Variants in SNCB observed in about 807,000 individuals in gnomAD.
The protein encoded by SNCB is beta-synuclein.
SNCB carries 8 observed loss-of-function variants against 20.0 expected under a neutral mutation model. That is an observed-to-expected ratio of 0.40 (90% CI 0.24 to 0.72). The LOEUF is 0.72. Among genes scored for constraint, SNCB ranks in the 30% least tolerant of loss-of-function variants. SNCB has a pLI of 0.37. For synonymous variants in SNCB, 56 were observed against 65.4 expected (o/e 0.86, Z 0.69); for missense variants, 125 against 168.0 (o/e 0.74, Z 1.41).
intron 4 of SNCB, among the ~76,000 whole-genome samples, chr5:176,622,193 A>C (rs1358196243): frequency 6.6e-6 from 1 of 152,342 alleles, no homozygotes; most frequent in East Asian, 1.9e-4. Flanking sequence ...TGGGCACATG[A>C]GTTTCCAGCT....
At chr5:176,622,003 C>T (rs1380015735) in intron 4 of SNCB, among the ~76,000 whole-genome samples, 3 of 152,246 alleles carry the variant, frequency 2.0e-5, no homozygotes, top group East Asian at 1.9e-4. Flanking sequence ...CACAAGCACA[C>T]GCGATAGCTT....
chr5:176,628,332 G>A (rs1760104384), intron 2 of SNCB, among the ~76,000 whole-genome samples: 1 of 152,100 alleles, frequency 6.6e-6, no homozygotes, highest in Non-Finnish European at 1.5e-5. Context: ...GGATCAAGCA[G>A]CCATGCACTT....
intron 2 of SNCB, among the ~76,000 whole-genome samples, chr5:176,628,054 A>G (rs1173305036): frequency 1.3e-5 from 2 of 152,178 alleles, no homozygotes. Context: ...ATGTGCCAGG[A>G]GCCATGGGTG....
rs1759531503 is a variant in SNCB, at chr5:176,620,766, G to C, written c.*45C>G. The C allele has an allele frequency of 3.4e-6, 5 of 1,470,522 alleles. No individual in the cohort carries two copies. Among genetic ancestry groups the C allele is most frequent in the Non-Finnish European group, 4.8e-6 (5 of 1,047,968 alleles). 91.1% of individuals were successfully genotyped at this position (1,470,522 alleles called of 1,614,324 possible). ...GCCCTGGCTCTGGGGGGCGGGGCAG[G>C]GACAGGGACAGAATTGTGCTGCTGG... On this transcript the variant is annotated 3_prime_UTR_variant, in exon 6 of 6. Coordinates refer to ENST00000393693, the MANE Select transcript of SNCB (RefSeq NM_003085.5). The surrounding 1 kb of genome is among the most constrained non-coding windows in gnomAD (Gnocchi z 4.5).
rs972154926 is a variant in SNCB, at chr5:176,626,582, G to A, written c.164-66C>T. 30 of 1,501,258 alleles carry A rather than the reference G, an allele frequency of 2.0e-5. No homozygotes were observed. Among genetic ancestry groups the A allele is most frequent in the Non-Finnish European group, 2.7e-5 (29 of 1,077,302 alleles). The allele number at this position is 1,501,258 out of a possible 1,614,324, so 93.0% of individuals were successfully genotyped here. A position where few individuals can be genotyped will look rare whatever the true frequency, so the allele number is the denominator to read the frequency against. On this transcript the variant is annotated intron_variant, in intron 3 of 5. Coordinates refer to ENST00000393693, the MANE Select transcript of SNCB (RefSeq NM_003085.5). This position sits in a 1 kb window ranked among gnomAD's most constrained non-coding sequence, Gnocchi z 4.2. The stretch of plus-strand genomic sequence containing the variant: ...GGGGGAAACACCGATGCCCTGCCTT[G>A]TAGTATCCCAGGGCCTGCCCTCCCC...
chr5:176,629,520 C>A lies in SNCB; in HGVS notation c.121+14G>T. ...CCCAGCCCTGCAGCCCCAGAAACCC[C>A]GCCCCTTACCCACCGACGTAGAGGA... On this transcript the variant is annotated intron_variant, in intron 2 of 5. Coordinates refer to ENST00000393693, the MANE Select transcript of SNCB (RefSeq NM_003085.5). This position sits in a 1 kb window ranked among gnomAD's most constrained non-coding sequence, Gnocchi z 4.1. 1.2e-6 allele frequency: 2 copies of A among 1,612,380 alleles called. No individual in the cohort carries two copies. Among genetic ancestry groups the A allele is most frequent in the East Asian group, 2.2e-5 (1 of 44,782 alleles).
chr5:176,622,089 G>A (rs1759639676), intron 4 of SNCB, among the ~76,000 whole-genome samples: 1 of 152,242 alleles, frequency 6.6e-6, no homozygotes, highest in South Asian at 2.1e-4. Flanking sequence ...TTGGTGCTGG[G>A]GAAAGCCTGC....
In SNCB at chr5:176,629,537, C is replaced by T. The variant is rs1043807628; in HGVS notation, c.118G>A (p.Val40Ile). 1.2e-6 allele frequency: 2 copies of T among 1,613,102 alleles called. No individual in the cohort carries two copies. Among genetic ancestry groups the T allele is most frequent in the African/African-American group, 2.7e-5 (2 of 74,904 alleles). ...AGAAACCCCGCCCCTTACCCACCGA[C>T]GTAGAGGACGCCCTCCTTGGTCTTC... ...AEKTKEGVLY[V>I]GSKTREGVVQ... The change falls in exon 2 of 6, where the codon GTC becomes ATC. Residue 40 changes from valine to isoleucine, a missense_variant. By Grantham distance (29) the Val-to-Ile change is conservative. Coordinates refer to ENST00000393693, the MANE Select transcript of SNCB (RefSeq NM_003085.5). This position sits in a 1 kb window ranked among gnomAD's most constrained non-coding sequence, Gnocchi z 4.1.
chr5:176,626,586 T>C lies in SNCB; in HGVS notation c.164-70A>G. ...GAAACACCGATGCCCTGCCTTGTAG[T>C]ATCCCAGGGCCTGCCCTCCCCACGG... On this transcript the variant is annotated intron_variant, in intron 3 of 5. Transcript: ENST00000393693. This position sits in a 1 kb window ranked among gnomAD's most constrained non-coding sequence, Gnocchi z 4.2. 1.3e-6 allele frequency: 2 copies of C among 1,496,394 alleles called. No homozygotes were observed. Among genetic ancestry groups the C allele is most frequent in the Non-Finnish European group, 1.9e-6 (2 of 1,072,790 alleles). 92.7% of individuals were successfully genotyped at this position (1,496,394 alleles called of 1,614,324 possible). A position where few individuals can be genotyped will look rare whatever the true frequency, so the allele number is the denominator to read the frequency against.
In SNCB at chr5:176,626,478, C is replaced by T; in HGVS notation, c.202G>A (p.Gly68Arg). Residue 68 changes from glycine (G) to arginine (R), a missense_variant, in exon 4 of 6, where the codon GGA becomes AGA. Transcript: ENST00000393693. This position sits in a 1 kb window ranked among gnomAD's most constrained non-coding sequence, Gnocchi z 4.2. ...KTKEQASHLGGAVFSGAGNIA... is the reference protein window; with the variant it reads ...KTKEQASHLGRAVFSGAGNIA... ...TTCCCTGCCCCAGAGAACACAGCTC[C>T]TCCCAGATGTGAGGCCTGTTCCTTG... 6.2e-7 allele frequency: 1 copy of T among 1,614,132 alleles called. No individual in the cohort carries two copies. Among genetic ancestry groups the T allele is most frequent in the Non-Finnish European group, 8.5e-7 (1 of 1,180,002 alleles).
In SNCB at chr5:176,626,640, C is replaced by T. The variant is rs111432646; in HGVS notation, c.163+80G>A. The T allele has an allele frequency of 5.1e-6, 8 of 1,558,348 alleles. No homozygotes were observed. Among genetic ancestry groups the T allele is most frequent in the African/African-American group, 2.7e-5 (2 of 73,680 alleles). The stretch of plus-strand genomic sequence containing the variant: ...ATTCCCGCAGAAGCCTTGGGAGTCT[C>T]CCCCGCCCCCGCCCTCTGGTTCCCG... On this transcript the variant is annotated intron_variant, in intron 3 of 5. Coordinates refer to ENST00000393693, the MANE Select transcript of SNCB (RefSeq NM_003085.5). This position sits in a 1 kb window ranked among gnomAD's most constrained non-coding sequence, Gnocchi z 4.2.
chr5:176,629,743 C>G lies in SNCB; in HGVS notation c.-9-80G>C. 2 of 1,536,738 alleles carry G rather than the reference C, an allele frequency of 1.3e-6. No individual in the cohort carries two copies. The highest frequency in any genetic ancestry group is 2.5e-5 in the South Asian group (2 of 80,622). On this transcript the variant is annotated intron_variant, in intron 1 of 5. Transcript: ENST00000393693. This position sits in a 1 kb window ranked among gnomAD's most constrained non-coding sequence, Gnocchi z 4.1. ...CCCCTCCCGCGGGACGCAGATGCCC[C>G]CCTACTCCCGAGACCGCGGCGCCCT...
intron 2 of SNCB, among the ~76,000 whole-genome samples, chr5:176,627,735 G>A (rs916111792): frequency 1.3e-5 from 2 of 152,244 alleles, no homozygotes; most frequent in African/African-American, 2.4e-5. Context: ...AGAGACAGGA[G>A]GGGCAGGCTG....
At position 176,626,259 on chromosome 5, in the gene SNCB, A is replaced by G. The variant is rs1759934159; in HGVS notation, c.282+139T>C. 1.3e-6 allele frequency: 1 copy of G among 769,428 alleles called. No homozygotes were observed. The allele number at this position is 769,428 out of a possible 1,614,324, so 47.7% of individuals were successfully genotyped here. Reference sequence around the variant, plus strand: ...GTCTAGCACGGGCCTGCAGGATGGGAGGCAAAGTGGCTTGTGTTCCAAGCT... The same window carrying G: ...GTCTAGCACGGGCCTGCAGGATGGGGGGCAAAGTGGCTTGTGTTCCAAGCT... On this transcript the variant is annotated intron_variant, in intron 4 of 5. Coordinates refer to ENST00000393693, the MANE Select transcript of SNCB (RefSeq NM_003085.5). The surrounding 1 kb of genome is among the most constrained non-coding windows in gnomAD (Gnocchi z 4.2).
intron 4 of SNCB, among the ~76,000 whole-genome samples, chr5:176,623,649 A>G (rs1463575890): frequency 6.6e-6 from 1 of 152,140 alleles, no homozygotes; most frequent in African/African-American, 2.4e-5. Context: ...ACTGGTTACA[A>G]GGGGAGTTCC....
rs78794253 is a variant in SNCB, at chr5:176,625,511, G to A, written c.282+887C>T. On this transcript the variant is annotated intron_variant, in intron 4 of 5. Transcript: ENST00000393693. The stretch of plus-strand genomic sequence containing the variant: ...GAACTATCAAGTTCAGAGACATGGT[G>A]GGAACTGCCCAGGGTCACACAGCCA... Among the ~76,000 whole-genome samples the A allele has an allele frequency of 3.2e-3, 494 of 152,334 alleles. 2 individuals are homozygous for A. Among genetic ancestry groups the A allele is most frequent in the Non-Finnish European group, 5.9e-3 (404 of 68,022 alleles).
Position 176,629,906 on chromosome 5 carries a change from T to C in SNCB, c.-9-243A>G, listed in dbSNP as rs1760259853. On this transcript the variant is annotated intron_variant, in intron 1 of 5. Transcript: ENST00000393693. The surrounding 1 kb of genome is among the most constrained non-coding windows in gnomAD (Gnocchi z 4.1). ...GCCACTGCCTCGGTTATCCGGGCCC[T>C]GCAAACTGCAGCCCCGTCGAACCGG... 6.1e-6 allele frequency: 3 copies of C among 491,384 alleles called. No individual in the cohort carries two copies. The East Asian group carries it at 1.1e-4, about 19-fold the overall frequency. 30.4% of individuals were successfully genotyped at this position (491,384 alleles called of 1,614,324 possible).
chr5:176,626,933 C>T lies in SNCB; in HGVS notation c.122-172G>A, dbSNP rs1158915112. Among the ~76,000 whole-genome samples, 3 of 152,126 alleles carry T rather than the reference C, an allele frequency of 2.0e-5. No homozygotes were observed. The highest frequency in any genetic ancestry group is 7.2e-5 in the African/African-American group (3 of 41,406). On this transcript the variant is annotated intron_variant, in intron 2 of 5. Coordinates refer to ENST00000393693, the MANE Select transcript of SNCB (RefSeq NM_003085.5). This position sits in a 1 kb window ranked among gnomAD's most constrained non-coding sequence, Gnocchi z 4.2. The stretch of plus-strand genomic sequence containing the variant: ...ACCCCCGTCTTATCACTGCACTGGG[C>T]CCCACACCTCTGTCTGCAAGGGTTG...
At chr5:176,627,012 G>C (rs1462546973) in intron 2 of SNCB, among the ~76,000 whole-genome samples, 1 of 152,202 alleles carries the variant, frequency 6.6e-6, no homozygotes, top group African/African-American at 2.4e-5. Flanking sequence ...TGTTGGCTGA[G>C]GGCCAGTGCT....
Sources: allele counts gnomAD v4.1 joint callset (sites outside exome capture counted in the v4.1 genomes callset), GRCh38; gene constraint gnomAD v4.1.1; non-coding constraint Gnocchi (gnomAD v3.1); transcripts MANE v1.5; gene names NCBI Gene and HGNC (gene_info 2026-07-23, HGNC 2026-07-21).